The following ORC5 variants were observed in gnomAD, a reference collection of about 807,000 sequenced individuals.
ORC5 encodes protein phosphatase 1, regulatory subunit 117.
A neutral mutation model predicts 58.8 loss-of-function variants in ORC5; 39 were observed. That is an observed-to-expected ratio of 0.66 (90% CI 0.51 to 0.87). ORC5 has a LOEUF of 0.87. Among genes scored for constraint, ORC5 ranks in the 40% least tolerant of loss-of-function variants. ORC5 has a pLI of 0.00. For synonymous variants in ORC5, 218 were observed against 177.6 expected (o/e 1.23, Z -1.81); for missense variants, 493 against 506.3 (o/e 0.97, Z 0.25).
chr7:104,187,941 T>G, intron 6 of ORC5: 1 of 1,009,312 alleles, frequency 9.9e-7, no homozygotes, highest in Non-Finnish European at 1.2e-6. Context: ...TATTCCTCAT[T>G]TTGATTTTTA....
chr7:104,184,910 A>C (rs1332641485), intron 6 of ORC5, among the ~76,000 whole-genome samples: 1 of 152,182 alleles, frequency 6.6e-6, no homozygotes, highest in Non-Finnish European at 1.5e-5. Context: ...CATTTGCACA[A>C]GACTGCCTTC....
intron 10 of ORC5, 146 bp from the exon 11 acceptor site, chr7:104,165,428 T>C: frequency 1.9e-6 from 1 of 523,396 alleles, no homozygotes; most frequent in Non-Finnish European, 3.4e-6. Flanking sequence ...ACCTTGTATA[T>C]ATATTAGACT....
chr7:104,140,755 T>A (rs1396121741), intron 12 of ORC5, among the ~76,000 whole-genome samples: 1 of 152,184 alleles, frequency 6.6e-6, no homozygotes. Flanking sequence ...ATGCCCACCA[T>A]GTGGGATGAC....
rs1365768697 is a variant in ORC5, at chr7:104,138,842, T to G, written c.1150-1949A>C. On this transcript the variant is annotated intron_variant, in intron 12 of 13. Coordinates refer to ENST00000297431, the MANE Select transcript of ORC5 (RefSeq NM_002553.4). This position sits in a 1 kb window ranked among gnomAD's most constrained non-coding sequence, Gnocchi z 4.7. ...TTAAAACTTATTGCTGATCGTGTAC[T>G]CAGGAAAACACCAGAAGGATTATTA... 6.6e-6 allele frequency among the ~76,000 whole-genome samples: 1 copy of G among 152,186 alleles called. No homozygotes were observed. Among genetic ancestry groups the G allele is most frequent in the Non-Finnish European group, 1.5e-5 (1 of 68,036 alleles).
At chr7:104,204,515 G>C (rs923407775) in intron 1 of ORC5, among the ~76,000 whole-genome samples, 1 of 152,020 alleles carries the variant, frequency 6.6e-6, no homozygotes, top group Non-Finnish European at 1.5e-5. Flanking sequence ...ATACAAACTA[G>C]TATTTTCAAC....
intron 3 of ORC5, among the ~76,000 whole-genome samples, chr7:104,199,258 C>G (rs1324548159): frequency 1.3e-5 from 2 of 152,232 alleles, no homozygotes; most frequent in Non-Finnish European, 2.9e-5. Flanking sequence ...ACAGCTTGCA[C>G]TGTGTGCATG....
chr7:104,177,402 T>C (rs553276419), intron 8 of ORC5, among the ~76,000 whole-genome samples: 1 of 152,228 alleles, frequency 6.6e-6, no homozygotes, highest in East Asian at 1.9e-4. Flanking sequence ...ATTACAAAAT[T>C]GCTCATATCT....
chr7:104,188,462 T>TC, intron 5 of ORC5, 81 bp from the exon 6 acceptor site: 1 of 1,097,726 alleles, frequency 9.1e-7, no homozygotes, highest in Non-Finnish European at 1.3e-6. Flanking sequence ...AACAAAGGTA[T>TC]TAAAAAAAAA....
intron 8 of ORC5, among the ~76,000 whole-genome samples, chr7:104,171,206 C>T (rs946195222): frequency 6.6e-6 from 1 of 152,320 alleles, no homozygotes; most frequent in Middle Eastern, 3.4e-3. Context: ...CAGTCTTCCT[C>T]TGCTTTGTTT....
intron 8 of ORC5, among the ~76,000 whole-genome samples, chr7:104,178,847 A>T (rs145892423): frequency 1.3e-5 from 2 of 152,146 alleles, no homozygotes; most frequent in Non-Finnish European, 2.9e-5. Flanking sequence ...ATTAACATAT[A>T]TAATTCTGTA....
At chr7:104,159,915 G>A (rs529408398) in intron 12 of ORC5, among the ~76,000 whole-genome samples, 1 of 152,238 alleles carries the variant, frequency 6.6e-6, no homozygotes, top group Non-Finnish European at 1.5e-5. Flanking sequence ...AAAAGGTAAA[G>A]TTTTATTAAA....
chr7:104,179,198 C>G (rs1471037386), intron 8 of ORC5, among the ~76,000 whole-genome samples: 4 of 149,692 alleles, frequency 2.7e-5, no homozygotes, highest in Non-Finnish European at 5.9e-5. Flanking sequence ...ATTGTCCTGC[C>G]TTGGCCTCCC....
At chr7:104,180,302 T>G (rs7806228) in intron 8 of ORC5, among the ~76,000 whole-genome samples, 93,776 of 152,020 alleles carry the variant, frequency 0.62, 30,819 homozygotes, top group Non-Finnish European at 0.75. Context: ...TTGGTAACTG[T>G]CCCAAGAAAC....
chr7:104,204,337 C>A lies in ORC5; in HGVS notation c.73-103G>T, dbSNP rs118119377. Reference sequence around the variant, plus strand: ...TACGTGGAAAAGTGAAATATTCAATCCAAATTCCTAACAATGAGCATATTG... The same window carrying A: ...TACGTGGAAAAGTGAAATATTCAATACAAATTCCTAACAATGAGCATATTG... On this transcript the variant is annotated intron_variant, in intron 1 of 13. Coordinates refer to ENST00000297431, the MANE Select transcript of ORC5 (RefSeq NM_002553.4). 1,292 of 704,474 alleles carry A rather than the reference C, an allele frequency of 1.8e-3. 4 individuals carry two copies. The highest frequency in any genetic ancestry group is 2.4e-3 in the Non-Finnish European group (975 of 404,804). The allele number at this position is 704,474 out of a possible 1,614,324, so 43.6% of individuals were successfully genotyped here. A position where few individuals can be genotyped will look rare whatever the true frequency, so the allele number is the denominator to read the frequency against.
intron 9 of ORC5, 97 bp from the exon 10 acceptor site, chr7:104,166,981 C>A: frequency 1.5e-6 from 1 of 679,796 alleles, no homozygotes; most frequent in Non-Finnish European, 2.6e-6. Context: ...ATGGTATTCT[C>A]TAGTCAAAAT....
intron 4 of ORC5, among the ~76,000 whole-genome samples, chr7:104,196,060 C>T (rs898704810): frequency 4.6e-5 from 7 of 152,266 alleles, no homozygotes; most frequent in Admixed American, 2.0e-4. Flanking sequence ...GCAGAAATGT[C>T]AAAGCAATTC....
intron 5 of ORC5, among the ~76,000 whole-genome samples, chr7:104,189,712 G>C (rs1424124460): frequency 2.6e-5 from 4 of 152,162 alleles, no homozygotes; most frequent in African/African-American, 9.7e-5. Flanking sequence ...AGAAGCTCCT[G>C]AGCTTGGGAC....
chr7:104,160,709 T>A (rs887385383), intron 12 of ORC5, among the ~76,000 whole-genome samples: 4 of 152,116 alleles, frequency 2.6e-5, no homozygotes, highest in African/African-American at 4.8e-5. Flanking sequence ...TAGATTACTC[T>A]GTTACAAAAA....
Position 104,200,870 on chromosome 7 carries a change from G to C in ORC5, c.254C>G (p.Ser85Cys). ...QILNKLNHLS[S>C]SEDGCSTEIT... ...TTCAGTAGAACATCCATCCTCTGAA[G>C]AACTAAGATGATTCAATTTGTTTAA... The change falls in exon 3 of 14, where the codon TCT (serine) becomes TGT (cysteine). Residue 85 changes from serine to cysteine, a missense_variant. Ser to Cys is a moderately radical substitution (Grantham distance 112). This residue lies in a region of ORC5 where 412 missense variants were observed against 403.7 expected (regional missense o/e 1.02). Coordinates refer to ENST00000297431, the MANE Select transcript of ORC5 (RefSeq NM_002553.4). The C allele has an allele frequency of 6.2e-7, 1 of 1,612,632 alleles. No individual in the cohort carries two copies. Among genetic ancestry groups the C allele is most frequent in the South Asian group, 1.1e-5 (1 of 91,006 alleles).
Sources: gnomAD v4.1 joint callset for allele counts (sites outside exome capture counted in the v4.1 genomes callset) on GRCh38, gnomAD v4.1.1 for gene constraint, gnomAD v4.1.1 regional missense constraint, Gnocchi (gnomAD v3.1) non-coding constraint, MANE v1.5 for transcripts, NCBI Gene and HGNC (gene_info 2026-07-23, HGNC 2026-07-21) for gene names.